Variants in PALS1 observed in about 807,000 individuals in gnomAD.
PALS1 encodes protein associated with LIN7 1, MAGUK p55 family member.
PALS1 carries 31 observed loss-of-function variants against 78.9 expected under a neutral mutation model. That is an observed-to-expected ratio of 0.39 (90% CI 0.30 to 0.53). The LOEUF is 0.53. Ranked by LOEUF, PALS1 falls within the 20% of genes least tolerant of loss-of-function variation. The pLI is 0.67. For missense variants in PALS1, 704 were observed against 826.5 expected, an observed-to-expected ratio of 0.85 and a Z score of 1.82; for synonymous variants, 276 against 270.9, an observed-to-expected ratio of 1.02 and a Z score of -0.18.
At chr14:67,315,523 A>G (rs1377755649) in intron 9 of PALS1, among the ~76,000 whole-genome samples, 2 of 152,034 alleles carry the variant, frequency 1.3e-5, no homozygotes, top group Non-Finnish European at 1.5e-5. Flanking sequence ...TGATCTGCCC[A>G]CCTTGGCCTC....
chr14:67,275,582 T>A (rs1173258559), intron 2 of PALS1, among the ~76,000 whole-genome samples: 1 of 151,930 alleles, frequency 6.6e-6, no homozygotes, highest in Non-Finnish European at 1.5e-5. Flanking sequence ...TAAAATTCTC[T>A]TTTTTTTGTT....
In PALS1 at chr14:67,321,254, A is replaced by G; in HGVS notation, c.1735A>G (p.Thr579Ala). Residue 579 changes from threonine to alanine, a missense_variant, in exon 13 of 15, where the codon ACA becomes GCA. Thr to Ala is a moderately conservative substitution (Grantham distance 58). Transcript: ENST00000261681. ...SGKICLLSLR[T>A]QSLKTLRNSD... ...CAAAATATGTCTTTTAAGTCTTCGT[A>G]CACAGGTAAAGCTAGAACTTTGTTT... 6.2e-7 allele frequency: 1 copy of G among 1,614,076 alleles called. No individual in the cohort carries two copies. The highest frequency in any genetic ancestry group is 1.3e-5 in the African/African-American group (1 of 75,078).
At chr14:67,332,335 GC>G (rs757948395) in intron 14 of PALS1, among the ~76,000 whole-genome samples, 2 of 152,184 alleles carry the variant, frequency 1.3e-5, no homozygotes, top group Non-Finnish European at 2.9e-5. Flanking sequence ...ATAGTATAGG[GC>G]AAGGGCTCTT....
intron 3 of PALS1, among the ~76,000 whole-genome samples, chr14:67,286,019 C>T (rs1477110730): frequency 9.2e-5 from 14 of 152,110 alleles, no homozygotes; most frequent in Admixed American, 9.2e-4. Context: ...AAGATGGGAG[C>T]TTAATTTCTA....
intron 1 of PALS1, among the ~76,000 whole-genome samples, chr14:67,242,237 A>G (rs112357999): frequency 0.02 from 3,051 of 152,280 alleles, 47 homozygotes; most frequent in Non-Finnish European, 0.03. Context: ...TGTGTACGGA[A>G]TGTAGGTTTC....
chr14:67,310,315 A>G (rs2085070567), intron 8 of PALS1, among the ~76,000 whole-genome samples: 1 of 152,138 alleles, frequency 6.6e-6, no homozygotes, highest in Admixed American at 6.5e-5. Context: ...ATGAGCCACA[A>G]CACTTTCAAA....
intron 1 of PALS1, among the ~76,000 whole-genome samples, chr14:67,264,601 C>G (rs1455890725): frequency 6.6e-6 from 1 of 151,950 alleles, no homozygotes; most frequent in African/African-American, 2.4e-5. Context: ...ATGTAGATAT[C>G]CAGTGTGGAA....
At chr14:67,308,546 CTTTTTT>C (rs375911648) in intron 8 of PALS1, among the ~76,000 whole-genome samples, 2 of 131,836 alleles carry the variant, frequency 1.5e-5, no homozygotes, top group African/African-American at 5.7e-5. Context: ...TTTTCTTTTT[CTTTTTT>C]TTTTTTTTTT....
chr14:67,296,528 G>A (rs1260970309), intron 4 of PALS1, among the ~76,000 whole-genome samples: 1 of 133,982 alleles, frequency 7.5e-6, no homozygotes, highest in African/African-American at 2.8e-5. Context: ...CTTGCAGTGA[G>A]CCAAGATCGT....
intron 11 of PALS1, among the ~76,000 whole-genome samples, chr14:67,319,105 TAAC>T (rs2085224322): frequency 6.6e-6 from 1 of 152,168 alleles, no homozygotes; most frequent in Non-Finnish European, 1.5e-5. Flanking sequence ...CTGAAATTCT[TAAC>T]AACTAATACA....
chr14:67,293,957 G>C (rs1250786921), intron 4 of PALS1, among the ~76,000 whole-genome samples: 1 of 152,026 alleles, frequency 6.6e-6, no homozygotes, highest in East Asian at 1.9e-4. Context: ...ACAATAGAAA[G>C]GTGGAAAGAA....
chr14:67,291,526 A>G (rs113037384), intron 3 of PALS1, among the ~76,000 whole-genome samples: 1 of 151,626 alleles, frequency 6.6e-6, no homozygotes, highest in South Asian at 2.1e-4. Context: ...CTCATGATCT[A>G]CCTGTCTGGG....
intron 4 of PALS1, among the ~76,000 whole-genome samples, chr14:67,293,506 G>A (rs2084803217): frequency 6.6e-6 from 1 of 152,090 alleles, no homozygotes; most frequent in South Asian, 2.1e-4. Flanking sequence ...AGGTTAGAAG[G>A]TACTTTGTAG....
At chr14:67,306,078 T>C (rs1283186177) in intron 8 of PALS1, among the ~76,000 whole-genome samples, 1 of 152,206 alleles carries the variant, frequency 6.6e-6, no homozygotes, top group African/African-American at 2.4e-5. Flanking sequence ...CAAGCAGTTC[T>C]CCTGCTTCAG....
chr14:67,301,003 C>G (rs1247577121), intron 4 of PALS1, among the ~76,000 whole-genome samples: 1 of 152,040 alleles, frequency 6.6e-6, no homozygotes, highest in African/African-American at 2.4e-5. Context: ...GACTATAACT[C>G]TTTAAGTTGT....
In PALS1 at chr14:67,286,855, C is replaced by CAAAAA. The variant is rs201923149; in HGVS notation, c.368-5641_368-5637dup. On this transcript the variant is annotated intron_variant, in intron 3 of 14. Transcript: ENST00000261681. ...GTGGTGACAGAGTGAGACCTGGTCT[C>CAAAAA]AAAAAAAAAAAAAAAAAAAGAAAAA... Among the ~76,000 whole-genome samples, 5 of 67,206 alleles carry CAAAAA rather than the reference C, an allele frequency of 7.4e-5. No homozygotes were observed. The East Asian group carries it at 1.3e-3, about 18-fold the overall frequency. The allele number at this position is 67,206 out of a possible 152,430, so 44.1% of individuals were successfully genotyped here.
At chr14:67,287,521 A>G (rs2084707850) in intron 3 of PALS1, among the ~76,000 whole-genome samples, 1 of 152,242 alleles carries the variant, frequency 6.6e-6, no homozygotes, top group Non-Finnish European at 1.5e-5. Flanking sequence ...GTTCTATCAT[A>G]CCAGATCCCA....
intron 14 of PALS1, 105 bp from the exon 15 acceptor site, chr14:67,332,675 G>A: frequency 1.8e-6 from 2 of 1,084,928 alleles, no homozygotes; most frequent in Non-Finnish European, 2.6e-6. Flanking sequence ...AGAGACAGAA[G>A]GAAAGCTATG....
chr14:67,327,692 T>A (rs895052068), intron 14 of PALS1, among the ~76,000 whole-genome samples: 150 of 151,788 alleles, frequency 9.9e-4, no homozygotes, highest in African/African-American at 3.5e-3. Context: ...CCCTGTGTCC[T>A]GGTGTTCTCA....
Sources: gnomAD v4.1 joint callset for allele counts (sites outside exome capture counted in the v4.1 genomes callset) on GRCh38, gnomAD v4.1.1 for gene constraint, MANE v1.5 for transcripts, NCBI Gene and HGNC (gene_info 2026-07-23, HGNC 2026-07-21) for gene names.